Variants in ZPBP observed in about 807,000 individuals in gnomAD.
ZPBP encodes zona pellucida binding protein.
Under a neutral mutation model 44.8 loss-of-function variants are expected in ZPBP, and 26 were observed. The ratio of observed to expected loss-of-function variants is 0.58; its 90% CI spans 0.43 to 0.81. The LOEUF (loss-of-function observed/expected upper bound fraction) is 0.81. Ranked by LOEUF, ZPBP falls within the 30% of genes least tolerant of loss-of-function variation. ZPBP has a pLI of 0.00. For synonymous variants in ZPBP, 174 were observed against 153.2 expected (o/e 1.14, Z -1.00); for missense variants, 409 against 434.0 (o/e 0.94, Z 0.51).
intron 2 of ZPBP, among the ~76,000 whole-genome samples, chr7:49,885,653 C>T (rs1455484143): frequency 1.3e-5 from 2 of 152,206 alleles, no homozygotes; most frequent in South Asian, 2.1e-4. Context: ...TCTGAAAGTT[C>T]TACCTAGTCC....
At chr7:49,913,393 T>C (rs1049592765) in intron 1 of ZPBP, 9 of 152,214 alleles carry the variant, frequency 5.9e-5, no homozygotes, top group African/African-American at 2.2e-4. Context: ...TAGTTCTACC[T>C]TTATCAATCA....
chr7:49,910,423 A>G (rs577359474), intron 1 of ZPBP, among the ~76,000 whole-genome samples: 1 of 152,306 alleles, frequency 6.6e-6, no homozygotes, highest in African/African-American at 2.4e-5. Flanking sequence ...AAGATATTAG[A>G]AGCAAAGAAG....
At position 50,028,321 on chromosome 7, in the gene ZPBP, A is replaced by G. The variant is rs143294715; in HGVS notation, c.706+2771T>C. On this transcript the variant is annotated intron_variant, in intron 5 of 7. Coordinates refer to ENST00000046087, the MANE Select transcript of ZPBP (RefSeq NM_007009.3). The stretch of plus-strand genomic sequence containing the variant: ...ACATGATAATCTCATTTCATATAAA[A>G]GTAGTACTTAACAAAATACAAAGTC... Among the ~76,000 whole-genome samples, 109 of 152,148 alleles carry G rather than the reference A, an allele frequency of 7.2e-4. 2 individuals are homozygous for G. The East Asian group carries it at 0.019, about 27-fold the overall frequency.
At chr7:49,911,559 AATT>A (rs1793435134) in intron 1 of ZPBP, among the ~76,000 whole-genome samples, 1 of 151,962 alleles carries the variant, frequency 6.6e-6, no homozygotes, top group South Asian at 2.1e-4. Context: ...TTATTACTGA[AATT>A]ATAACTTTGC....
intron 6 of ZPBP, among the ~76,000 whole-genome samples, chr7:49,996,779 T>G (rs1797867897): frequency 6.6e-6 from 1 of 152,182 alleles, no homozygotes; most frequent in South Asian, 2.1e-4. Flanking sequence ...GTCTCATCTA[T>G]TTCACTTCTA....
intron 7 of ZPBP, chr7:49,940,718 C>A (rs962898790): frequency 1.0e-6 from 1 of 980,220 alleles, no homozygotes; most frequent in Admixed American, 6.2e-5. Flanking sequence ...TTACTCACCA[C>A]TGTCCCACCT....
intron 6 of ZPBP, among the ~76,000 whole-genome samples, chr7:49,996,796 C>T (rs1262958732): frequency 1.3e-5 from 2 of 152,204 alleles, no homozygotes; most frequent in African/African-American, 2.4e-5. Flanking sequence ...TCTAGGAACA[C>T]CATCATTAAC....
At chr7:49,880,756 C>A (rs1417714171) in intron 2 of ZPBP, among the ~76,000 whole-genome samples, 1 of 151,962 alleles carries the variant, frequency 6.6e-6, no homozygotes, top group African/African-American at 2.4e-5. Flanking sequence ...GGATGCAGCA[C>A]ACCAACATGG....
chr7:50,065,821 A>G (rs1401628977), intron 3 of ZPBP, among the ~76,000 whole-genome samples: 3 of 151,050 alleles, frequency 2.0e-5, no homozygotes. Context: ...GATGCATTTG[A>G]GTCCTTCTAG....
At chr7:49,911,287 T>C (rs1005705741) in intron 1 of ZPBP, among the ~76,000 whole-genome samples, 2 of 151,660 alleles carry the variant, frequency 1.3e-5, no homozygotes, top group African/African-American at 2.4e-5. Flanking sequence ...ATCGAGACCA[T>C]CCTGGCCAAC....
At chr7:50,091,554 A>C (rs1216118376) in intron 1 of ZPBP, among the ~76,000 whole-genome samples, 1 of 152,188 alleles carries the variant, frequency 6.6e-6, no homozygotes, top group Non-Finnish European at 1.5e-5. Flanking sequence ...AATATCAGAA[A>C]AACCCTTGTA....
intron 2 of ZPBP, among the ~76,000 whole-genome samples, chr7:49,872,318 T>G (rs767029302): frequency 9.2e-5 from 14 of 152,118 alleles, no homozygotes; most frequent in Admixed American, 2.6e-4. Context: ...GTCTTGGATT[T>G]AATGTGTCCA....
chr7:49,976,890 C>T (rs1796540580), intron 7 of ZPBP, among the ~76,000 whole-genome samples: 1 of 151,964 alleles, frequency 6.6e-6, no homozygotes, highest in South Asian at 2.1e-4. Flanking sequence ...ATCACGAGGT[C>T]AGGAGATTGA....
the ZPBP span, among the ~76,000 whole-genome samples, chr7:49,840,792 C>T: frequency 6.6e-6 from 1 of 152,096 alleles, no homozygotes; most frequent in African/African-American, 2.4e-5. Context: ...GTTAGTTTCC[C>T]CGTATTTCAG....
chr7:50,038,221 G>A (rs144765710), intron 4 of ZPBP, among the ~76,000 whole-genome samples: 9 of 152,330 alleles, frequency 5.9e-5, no homozygotes, highest in Non-Finnish European at 1.0e-4. Flanking sequence ...ATCGCTCAGA[G>A]AATTTATCCA....
At chr7:49,925,579 C>T (rs184118828) in intron 1 of ZPBP, among the ~76,000 whole-genome samples, 1 of 152,332 alleles carries the variant, frequency 6.6e-6, no homozygotes, top group Non-Finnish European at 1.5e-5. Flanking sequence ...GAAAAAATTA[C>T]CTACTTGGTT....
At chr7:50,063,802 A>G (rs1801366989) in intron 3 of ZPBP, among the ~76,000 whole-genome samples, 1 of 152,202 alleles carries the variant, frequency 6.6e-6, no homozygotes, top group Non-Finnish European at 1.5e-5. Flanking sequence ...CTATTTTGAT[A>G]TACAGCATTT....
At chr7:49,971,698 C>T (rs1432471654) in intron 7 of ZPBP, among the ~76,000 whole-genome samples, 1 of 151,944 alleles carries the variant, frequency 6.6e-6, no homozygotes, top group Non-Finnish European at 1.5e-5. Context: ...AACACAAATC[C>T]TTTACAAACA....
At chr7:49,946,716 T>G (rs2128755920) in intron 7 of ZPBP, among the ~76,000 whole-genome samples, 1 of 152,280 alleles carries the variant, frequency 6.6e-6, no homozygotes, top group East Asian at 1.9e-4. Context: ...ATACCTTTCT[T>G]GTCCTTGAAT....
Sources: gnomAD v4.1 joint callset for allele counts (sites outside exome capture counted in the v4.1 genomes callset) on GRCh38, gnomAD v4.1.1 for gene constraint, MANE v1.5 for transcripts, NCBI Gene and HGNC (gene_info 2026-07-23, HGNC 2026-07-21) for gene names.